Variants in LEPR observed in about 807,000 individuals in gnomAD.
LEPR encodes the protein leptin receptor, also known as OB receptor.
In LEPR, 56 loss-of-function variants were observed where a neutral mutation model predicts 114.7. That is an observed-to-expected ratio of 0.49 (90% CI 0.39 to 0.61). The LOEUF (loss-of-function observed/expected upper bound fraction) is 0.61, where lower values mean the gene tolerates loss of function less well. Ranked by LOEUF, LEPR falls within the 20% of genes least tolerant of loss-of-function variation. The pLI is 0.00. For missense variants in LEPR, 1,202 were observed against 1,352.9 expected, an observed-to-expected ratio of 0.89 and a Z score of 1.75; for synonymous variants, 443 against 461.4, an observed-to-expected ratio of 0.96 and a Z score of 0.51.
At chr1:65,532,811 C>T (rs990855020) in intron 2 of LEPR, among the ~76,000 whole-genome samples, 4 of 151,902 alleles carry the variant, frequency 2.6e-5, no homozygotes, top group African/African-American at 4.8e-5. Flanking sequence ...CAGTGGTTGC[C>T]GGGGATGGAG....
At chr1:65,543,874 G>A (rs568231853) in intron 2 of LEPR, among the ~76,000 whole-genome samples, 1 of 152,058 alleles carries the variant, frequency 6.6e-6, no homozygotes, top group South Asian at 2.1e-4. Flanking sequence ...CTGTAGCCTT[G>A]TAGTATAGTT....
intron 3 of LEPR, among the ~76,000 whole-genome samples, chr1:65,567,144 A>T (rs923288924): frequency 2.6e-5 from 4 of 152,204 alleles, no homozygotes; most frequent in African/African-American, 9.6e-5. Context: ...CCATCTTTAG[A>T]GTTTAGGATT....
At chr1:65,509,392 A>G (rs1466364635) in intron 2 of LEPR, among the ~76,000 whole-genome samples, 1 of 152,186 alleles carries the variant, frequency 6.6e-6, no homozygotes, top group East Asian at 1.9e-4. Flanking sequence ...CGTTTTTATC[A>G]TGAAAGGATG....
intron 19 of LEPR, among the ~76,000 whole-genome samples, chr1:65,631,411 T>C (rs1658516237): frequency 6.6e-6 from 1 of 152,226 alleles, no homozygotes; most frequent in African/African-American, 2.4e-5. Flanking sequence ...TTCTTTCTCC[T>C]GAGCTGCAGC....
intron 2 of LEPR, among the ~76,000 whole-genome samples, chr1:65,553,037 A>G (rs905347994): frequency 5.3e-5 from 8 of 152,140 alleles, no homozygotes; most frequent in Non-Finnish European, 1.0e-4. Flanking sequence ...AATGTTGAAT[A>G]TTGGCCCCCA....
chr1:65,425,352 G>A lies in LEPR; in HGVS notation c.-47G>A, dbSNP rs753971245. ...GGGCTATTGGACTGACTTTTCTTAT[G>A]CTGGGATGTGCCTTAGAGGATTATG... is the stretch of plus-strand genomic sequence containing the variant. On this transcript the variant is annotated 5_prime_UTR_variant, in exon 2 of 20. The change abolishes an upstream ATG in the 5' untranslated region. Coordinates refer to ENST00000349533, the MANE Select transcript of LEPR (RefSeq NM_002303.6). The A allele has an allele frequency of 6.2e-7, 1 of 1,605,988 alleles. No individual in the cohort carries two copies. The highest frequency in any genetic ancestry group is 8.5e-7 in the Non-Finnish European group (1 of 1,178,232).
At chr1:65,632,766 A>T (rs1268484729) in intron 19 of LEPR, among the ~76,000 whole-genome samples, 3 of 151,954 alleles carry the variant, frequency 2.0e-5, no homozygotes, top group Admixed American at 6.6e-5. Flanking sequence ...TATTTTTTTT[A>T]AATTTTTCTT....
chr1:65,629,552 G>A (rs1034106679), intron 19 of LEPR, among the ~76,000 whole-genome samples: 1 of 151,932 alleles, frequency 6.6e-6, no homozygotes, highest in Non-Finnish European at 1.5e-5. Context: ...GATCAAAATT[G>A]TGCCGAATTT....
At chr1:65,500,958 ATAATAT>A (rs1648419021) in intron 2 of LEPR, among the ~76,000 whole-genome samples, 1 of 152,132 alleles carries the variant, frequency 6.6e-6, no homozygotes, top group African/African-American at 2.4e-5. Context: ...GTAATTCCTC[ATAATAT>A]TAATAATAAA....
At chr1:65,507,537 G>A (rs11577709) in intron 2 of LEPR, among the ~76,000 whole-genome samples, 28 of 140,466 alleles carry the variant, frequency 2.0e-4, no homozygotes, top group Middle Eastern at 3.7e-3. Context: ...ATATATGTGT[G>A]TATATATATA....
In LEPR at chr1:65,570,641, C is replaced by G. The variant is rs1654089593; in HGVS notation, c.209C>G (p.Pro70Arg). 8 of 1,613,934 alleles carry G rather than the reference C, an allele frequency of 5.0e-6. No homozygotes were observed. The highest frequency in any genetic ancestry group is 5.9e-6 in the Non-Finnish European group (7 of 1,179,942). The change falls in exon 4 of 20, where the codon CCT (proline) becomes CGT (arginine). Residue 70 changes from proline (P) to arginine (R), a missense_variant. Coordinates refer to ENST00000349533, the MANE Select transcript of LEPR (RefSeq NM_002303.6). ...SNGHYETAVEPKFNSSGTHFS... is the reference protein window; with the variant it reads ...SNGHYETAVERKFNSSGTHFS... The stretch of plus-strand genomic sequence containing the variant: ...GGACATTATGAGACAGCTGTTGAAC[C>G]TAAGTTTAATTCAAGTGGTACTCAC...
At chr1:65,588,609 T>C (rs1310846138) in intron 5 of LEPR, among the ~76,000 whole-genome samples, 2 of 152,022 alleles carry the variant, frequency 1.3e-5, no homozygotes, top group Non-Finnish European at 1.5e-5. Context: ...CCCACCTCTG[T>C]CCCCAGGGAA....
At chr1:65,488,767 C>G (rs1357219728) in intron 2 of LEPR, among the ~76,000 whole-genome samples, 2 of 152,026 alleles carry the variant, frequency 1.3e-5, no homozygotes, top group Non-Finnish European at 2.9e-5. Context: ...CACTCCCACC[C>G]TGCTATCCTT....
At chr1:65,555,172 C>T (rs1161561841) in intron 2 of LEPR, among the ~76,000 whole-genome samples, 1 of 152,180 alleles carries the variant, frequency 6.6e-6, no homozygotes, top group Non-Finnish European at 1.5e-5. Context: ...TCTTGCCAGC[C>T]ACCCCCGCCT....
rs755576842 is a variant in LEPR at position 65,636,946 on chromosome 1, T to A, written c.3429T>A (p.Pro1143=). 3.1e-6 allele frequency: 5 copies of A among 1,609,830 alleles called. No individual in the cohort carries two copies. The highest frequency in any genetic ancestry group is 2.5e-6 in the Non-Finnish European group (3 of 1,178,792). Residue 1143 remains proline (P), a synonymous_variant, in exon 20 of 20, where the codon CCT becomes CCA. Transcript: ENST00000349533. ...SSKKTFASYM[P]QFQTCSTQTH... is the part of the protein sequence containing the mutation. ...AGAAGACTTTTGCATCTTACATGCC[T>A]CAATTCCAAACTTGTTCTACTCAGA...
intron 5 of LEPR, among the ~76,000 whole-genome samples, chr1:65,580,255 G>A (rs1654889568): frequency 6.6e-6 from 1 of 152,124 alleles, no homozygotes; most frequent in Non-Finnish European, 1.5e-5. Flanking sequence ...GGTAGAGCTG[G>A]TCAATATAGG....
intron 2 of LEPR, chr1:65,432,839 G>A (rs1457628645): frequency 1.6e-6 from 1 of 644,468 alleles, no homozygotes; most frequent in African/African-American, 2.0e-5. Flanking sequence ...TTAAATATTT[G>A]AGATCATATG....
At chr1:65,617,574 A>C (rs1278918770) in intron 15 of LEPR, among the ~76,000 whole-genome samples, 1 of 152,208 alleles carries the variant, frequency 6.6e-6, no homozygotes, top group Admixed American at 6.5e-5. Context: ...CAAATGTAGA[A>C]ATCCGCTGGA....
rs1657636016 is a variant in LEPR, at chr1:65,618,058, TTTTATTA to T, written c.2310_2316del (p.Phe770LeufsTer12). ...CACCCAGTGATTACAAGCTAATGTATTTTATTATTGAGTGGAAAAATCTTAATGAAGA... is the reference window on the plus strand; with the variant it reads ...CACCCAGTGATTACAAGCTAATGTATTTGAGTGGAAAAATCTTAATGAAGA... On this transcript the variant is annotated frameshift_variant, in exon 16 of 20. Transcript: ENST00000349533. LOFTEE classifies it high-confidence loss of function. 1 of 1,612,668 alleles carries T rather than the reference TTTTATTA, an allele frequency of 6.2e-7. No homozygotes were observed. Among genetic ancestry groups the T allele is most frequent in the South Asian group, 1.1e-5 (1 of 90,900 alleles).
Sources: gnomAD v4.1 joint callset for allele counts (sites outside exome capture counted in the v4.1 genomes callset) on GRCh38, gnomAD v4.1.1 for gene constraint, MANE v1.5 for transcripts, NCBI Gene and HGNC (gene_info 2026-07-23, HGNC 2026-07-21) for gene names.